The following MMRN1 variants were observed in gnomAD, a reference collection of about 807,000 sequenced individuals.
MMRN1 encodes multimerin-1.
In MMRN1, 94 loss-of-function variants were observed where a neutral mutation model predicts 100.7. The ratio of observed to expected loss-of-function variants is 0.93; its 90% CI spans 0.79 to 1.11. The LOEUF (loss-of-function observed/expected upper bound fraction) is 1.11, where lower values mean the gene tolerates loss of function less well. Ranked by LOEUF, MMRN1 falls within the 50% of genes least tolerant of loss-of-function variation. The probability of loss-of-function intolerance (pLI) is 0.00; values close to 1 mark genes in which losing one functional copy is unlikely to be tolerated. For missense variants in MMRN1, 1,606 were observed against 1,439.1 expected, an observed-to-expected ratio of 1.12 and a Z score of -1.88; for synonymous variants, 575 against 505.0, an observed-to-expected ratio of 1.14 and a Z score of -1.86.
chr4:89,895,034 C>G lies in MMRN1; in HGVS notation c.63C>G (p.Asn21Lys). 1.2e-6 allele frequency: 2 copies of G among 1,613,816 alleles called. No homozygotes were observed. The highest frequency in any genetic ancestry group is 1.1e-5 in the South Asian group (1 of 91,080). The change falls in exon 1 of 8, where the codon AAC becomes AAG. Residue 21 changes from asparagine (N) to lysine (K), a missense_variant. Transcript: ENST00000264790. ...SSLWSGGIGL[N>K]NSKHSWTIPE... ...TATGGAGTGGGGGCATTGGGCTTAA[C>G]AACAGTAAGCATTCTTGGACTATAC...
chr4:89,927,867 A>G lies in MMRN1; in HGVS notation c.1028A>G (p.Asp343Gly), dbSNP rs750727021. Residue 343 changes from aspartate (D) to glycine (G), a missense_variant, in exon 5 of 8, where the codon GAC (aspartate) becomes GGC (glycine). Coordinates refer to ENST00000264790, the MANE Select transcript of MMRN1 (RefSeq NM_007351.3). ...MKLTLLQKKI[D>G]NISLTVNDVR... is the part of the protein sequence containing the mutation. ...CTGACTCTTCTGCAGAAGAAGATTG[A>G]CAATATTTCTTTGACTGTGAATGAT... 2.5e-6 allele frequency: 4 copies of G among 1,612,754 alleles called. No homozygotes were observed. The highest frequency in any genetic ancestry group is 3.4e-6 in the Non-Finnish European group (4 of 1,179,334).
At chr4:89,937,554 C>T (rs1722685940) in intron 6 of MMRN1, among the ~76,000 whole-genome samples, 1 of 152,002 alleles carries the variant, frequency 6.6e-6, no homozygotes, top group South Asian at 2.1e-4. Flanking sequence ...GATTCTGGTC[C>T]TAGATGTATT....
chr4:89,950,854 C>T (rs980347408), intron 6 of MMRN1, among the ~76,000 whole-genome samples: 19 of 151,996 alleles, frequency 1.3e-4, no homozygotes, highest in African/African-American at 4.1e-4. Context: ...CCACCATACC[C>T]GGCCTCATTT....
chr4:89,951,991 G>C (rs1723194502), intron 7 of MMRN1, among the ~76,000 whole-genome samples: 1 of 152,076 alleles, frequency 6.6e-6, no homozygotes, highest in Non-Finnish European at 1.5e-5. Context: ...TATAGAGGCA[G>C]TTTATGGAAA....
intron 1 of MMRN1, among the ~76,000 whole-genome samples, chr4:89,889,363 G>A (rs1242919795): frequency 2.0e-5 from 3 of 152,050 alleles, no homozygotes; most frequent in East Asian, 3.9e-4. Context: ...AGAGGGCGTC[G>A]AGGGCCTTAA....
intron 5 of MMRN1, among the ~76,000 whole-genome samples, chr4:89,931,800 C>T (rs1165394594): frequency 6.6e-6 from 1 of 152,152 alleles, no homozygotes; most frequent in Non-Finnish European, 1.5e-5. Flanking sequence ...ATTTATCTCC[C>T]ACTGGGTCCC....
At chr4:89,924,796 A>T (rs915048053) in intron 4 of MMRN1, among the ~76,000 whole-genome samples, 3 of 152,116 alleles carry the variant, frequency 2.0e-5, no homozygotes, top group African/African-American at 7.2e-5. Context: ...GTGAGCCAAG[A>T]TCATGCCGCT....
chr4:89,940,793 C>T (rs1172772942), intron 6 of MMRN1, among the ~76,000 whole-genome samples: 1 of 152,054 alleles, frequency 6.6e-6, no homozygotes, highest in Non-Finnish European at 1.5e-5. Context: ...AATGTATATG[C>T]TTTTATTTTC....
At chr4:89,926,630 TTGA>T (rs1281964090) in intron 4 of MMRN1, among the ~76,000 whole-genome samples, 4 of 152,192 alleles carry the variant, frequency 2.6e-5, no homozygotes, top group Non-Finnish European at 5.9e-5. Context: ...GCTTTTTAAC[TTGA>T]TGTGATCCCA....
At chr4:89,925,624 G>A (rs1364749086) in intron 4 of MMRN1, among the ~76,000 whole-genome samples, 1 of 151,896 alleles carries the variant, frequency 6.6e-6, no homozygotes, top group African/African-American at 2.4e-5. Flanking sequence ...GAGGTCAGGA[G>A]ATCAAGAACA....
intron 5 of MMRN1, among the ~76,000 whole-genome samples, chr4:89,931,840 A>G (rs1331554684): frequency 6.6e-6 from 1 of 152,166 alleles, no homozygotes; most frequent in African/African-American, 2.4e-5. Context: ...TATGGAAGCT[A>G]CAATTCAAAA....
Position 89,953,070 on chromosome 4 carries a change from A to G in MMRN1, c.3339A>G (p.Ile1113Met). 2 of 1,613,856 alleles carry G rather than the reference A, an allele frequency of 1.2e-6. No homozygotes were observed. The highest frequency in any genetic ancestry group is 1.7e-5 in the Admixed American group (1 of 59,992). Reference protein sequence around the residue: ...FFASHTYGMTIPGPILFNNLD... With the variant: ...FFASHTYGMTMPGPILFNNLD... ...CATCTCATACGTATGGAATGACTAT[A>G]CCTGGTCCTATCCTGTTTAATAACT... is the stretch of plus-strand genomic sequence containing the variant. The change falls in exon 8 of 8, where the codon ATA (isoleucine) becomes ATG (methionine). Residue 1113 changes from isoleucine (I) to methionine (M), a missense_variant. By Grantham distance (10) the Ile-to-Met change is conservative. Coordinates refer to ENST00000264790, the MANE Select transcript of MMRN1 (RefSeq NM_007351.3).
At chr4:89,952,857 G>A (rs1416301406) in intron 7 of MMRN1, 140 bp from the exon 8 acceptor site, 1 of 736,366 alleles carries the variant, frequency 1.4e-6, no homozygotes, top group Non-Finnish European at 2.2e-6. Flanking sequence ...TGAGACACGT[G>A]CACCTTTGCT....
At chr4:89,952,803 G>T (rs959838185) in intron 7 of MMRN1, among the ~76,000 whole-genome samples, 194 bp from the exon 8 acceptor site, 4 of 152,094 alleles carry the variant, frequency 2.6e-5, no homozygotes, top group South Asian at 4.1e-4. Flanking sequence ...GCAACAAGAG[G>T]CTAAGCAATT....
chr4:89,912,149 C>A, intron 3 of MMRN1, 99 bp downstream of exon 3: 1 of 787,312 alleles, frequency 1.3e-6, no homozygotes, highest in Non-Finnish European at 1.9e-6. Context: ...GGTAAATTAA[C>A]ATGTAGCCAA....
rs1721768234 is a variant in MMRN1 at position 89,912,010 on chromosome 4, G to T, written c.810G>T (p.Arg270Ser). Residue 270 changes from arginine to serine, a missense_variant, in exon 3 of 8, where the codon AGG becomes AGT. Arg to Ser is a moderately radical substitution (Grantham distance 110, BLOSUM62 -1). Transcript: ENST00000264790. ...QHKIVTSLDWRCCPGYSGPKC... is the reference protein window; with the variant it reads ...QHKIVTSLDWSCCPGYSGPKC... ...AAATTGTCACCTCATTGGATTGGAG[G>T]TGCTGTCCTGGATACAGTGGGCCGA... 1 of 1,603,432 alleles carries T rather than the reference G, an allele frequency of 6.2e-7. No homozygotes were observed. The highest frequency in any genetic ancestry group is 1.3e-5 in the African/African-American group (1 of 74,120).
chr4:89,923,633 A>G (rs1165214956), intron 4 of MMRN1, among the ~76,000 whole-genome samples: 2 of 152,190 alleles, frequency 1.3e-5, no homozygotes, highest in African/African-American at 4.8e-5. Context: ...CTTTTAAGGG[A>G]TCTAAGAAGG....
intron 3 of MMRN1, among the ~76,000 whole-genome samples, chr4:89,915,631 G>A (rs1393932582): frequency 2.0e-5 from 3 of 151,422 alleles, no homozygotes. Flanking sequence ...GGAAGCTGTT[G>A]CTCCTACTGT....
intron 3 of MMRN1, among the ~76,000 whole-genome samples, chr4:89,918,765 A>G (rs556262524): frequency 6.6e-6 from 1 of 151,974 alleles, no homozygotes; most frequent in South Asian, 2.1e-4. Context: ...CTTTTTCACT[A>G]TTATTGCACA....
Sources: gnomAD v4.1 joint callset for allele counts (sites outside exome capture counted in the v4.1 genomes callset) on GRCh38, gnomAD v4.1.1 for gene constraint, MANE v1.5 for transcripts, NCBI Gene and HGNC (gene_info 2026-07-23, HGNC 2026-07-21) for gene names.